The following ZFHX3 variants were observed in gnomAD, a reference collection of about 807,000 sequenced individuals.
ZFHX3 encodes zinc finger homeobox protein 3.
ZFHX3 carries 42 observed loss-of-function variants against 279.1 expected under a neutral mutation model. The ratio of observed to expected loss-of-function variants is 0.15; its 90% CI spans 0.12 to 0.19. The LOEUF (loss-of-function observed/expected upper bound fraction) is 0.19. Ranked by LOEUF, ZFHX3 falls within the 10% of genes least tolerant of loss-of-function variation. ZFHX3 has a pLI of 1.00. For missense variants in ZFHX3, 4,981 were observed against 4,754.0 expected (o/e 1.05, Z -1.40); for synonymous variants, 2,293 against 1,957.8 (o/e 1.17, Z -4.52).
At chr16:72,834,240 C>A (rs1404794685) in intron 4 of ZFHX3, among the ~76,000 whole-genome samples, 2 of 152,088 alleles carry the variant, frequency 1.3e-5, no homozygotes, top group African/African-American at 4.8e-5. Context: ...AGAGTGAGAC[C>A]CTGTCTCAAA....
chr16:73,253,537 C>T (rs939169013), intron 5 of ZFHX3, among the ~76,000 whole-genome samples: 16 of 151,522 alleles, frequency 1.1e-4, no homozygotes, highest in African/African-American at 3.2e-4. Context: ...CTGCAAGCTC[C>T]GCCTCTCAGG....
intron 3 of ZFHX3, among the ~76,000 whole-genome samples, chr16:73,343,770 C>T (rs2016077947): frequency 6.6e-6 from 1 of 152,130 alleles, no homozygotes; most frequent in South Asian, 2.1e-4. Context: ...CTCCTGTTGT[C>T]CAACTCTGGG....
chr16:73,072,246 A>AC (rs1965833868), intron 8 of ZFHX3, among the ~76,000 whole-genome samples: 1 of 152,086 alleles, frequency 6.6e-6, no homozygotes, highest in Non-Finnish European at 1.5e-5. Flanking sequence ...GGAGTTCAAG[A>AC]CCAGCCTGGC....
chr16:73,735,470 C>A (rs912234503), intron 1 of ZFHX3, among the ~76,000 whole-genome samples: 9 of 151,194 alleles, frequency 6.0e-5, no homozygotes, highest in African/African-American at 2.2e-4. Flanking sequence ...AATATGACTA[C>A]TCTAGGTATC....
At chr16:73,538,797 G>A (rs1026716477) in intron 2 of ZFHX3, among the ~76,000 whole-genome samples, 1 of 152,126 alleles carries the variant, frequency 6.6e-6, no homozygotes, top group Non-Finnish European at 1.5e-5. Flanking sequence ...CTTAGTCATC[G>A]GGCAAACGAC....
intron 4 of ZFHX3, among the ~76,000 whole-genome samples, chr16:73,259,693 A>T (rs1488325020): frequency 6.6e-6 from 1 of 152,252 alleles, no homozygotes. Context: ...TTTCAAAATT[A>T]TAGAAAAGGT....
At chr16:73,332,811 G>A (rs2015831863) in intron 3 of ZFHX3, among the ~76,000 whole-genome samples, 1 of 152,218 alleles carries the variant, frequency 6.6e-6, no homozygotes, top group Admixed American at 6.5e-5. Flanking sequence ...CATGCAACAA[G>A]AGTGGTGGCA....
chr16:72,879,489 G>A (rs902876979), intron 4 of ZFHX3, among the ~76,000 whole-genome samples: 9 of 152,198 alleles, frequency 5.9e-5, no homozygotes, highest in East Asian at 5.8e-4. Context: ...GCAATGGCGC[G>A]GCCTCTGCTC....
At chr16:73,162,316 G>C (rs1967258078) in intron 5 of ZFHX3, among the ~76,000 whole-genome samples, 1 of 152,174 alleles carries the variant, frequency 6.6e-6, no homozygotes, top group Non-Finnish European at 1.5e-5. Flanking sequence ...GAGGGATCTA[G>C]GTTGCACACT....
chr16:73,738,232 G>A (rs1420583080), intron 1 of ZFHX3, among the ~76,000 whole-genome samples: 1 of 152,168 alleles, frequency 6.6e-6, no homozygotes, highest in Non-Finnish European at 1.5e-5. Flanking sequence ...GCTGTGAATG[G>A]CACTGTAAGG....
chr16:73,350,571 G>A (rs2016220995), intron 3 of ZFHX3, among the ~76,000 whole-genome samples: 1 of 152,202 alleles, frequency 6.6e-6, no homozygotes, highest in South Asian at 2.1e-4. Flanking sequence ...GAAGGCAGCT[G>A]TTGCAGCTTC....
intron 4 of ZFHX3, among the ~76,000 whole-genome samples, chr16:72,835,171 G>T (rs2143752083): frequency 6.6e-6 from 1 of 152,292 alleles, no homozygotes; most frequent in African/African-American, 2.4e-5. Context: ...GAGGGTGGGG[G>T]TGAAATAAAG....
chr16:73,250,992 T>A (rs935968363), intron 5 of ZFHX3, among the ~76,000 whole-genome samples: 4 of 152,222 alleles, frequency 2.6e-5, no homozygotes, highest in Non-Finnish European at 5.9e-5. Context: ...ATCTGAGTCA[T>A]GTGTACCATT....
chr16:73,277,684 T>C (rs2014335474), intron 4 of ZFHX3, among the ~76,000 whole-genome samples: 1 of 152,222 alleles, frequency 6.6e-6, no homozygotes, highest in South Asian at 2.1e-4. Context: ...CTGCTTTGCT[T>C]ATGGTGGAAA....
chr16:73,013,754 T>C (rs1963999363), intron 1 of ZFHX3, among the ~76,000 whole-genome samples: 1 of 152,098 alleles, frequency 6.6e-6, no homozygotes, highest in South Asian at 2.1e-4. Flanking sequence ...ATAGGCATTG[T>C]TGGAACAGGT....
At chr16:73,103,867 G>C (rs1966261411) in intron 7 of ZFHX3, among the ~76,000 whole-genome samples, 1 of 152,096 alleles carries the variant, frequency 6.6e-6, no homozygotes, top group Non-Finnish European at 1.5e-5. Flanking sequence ...GATAAAACTA[G>C]GCTTGTTCTG....
At chr16:73,519,414 G>A (rs2019575694) in intron 2 of ZFHX3, among the ~76,000 whole-genome samples, 1 of 151,640 alleles carries the variant, frequency 6.6e-6, no homozygotes, top group African/African-American at 2.4e-5. Flanking sequence ...TATCTGCCTT[G>A]TTTTTTTAAA....
intron 2 of ZFHX3, among the ~76,000 whole-genome samples, chr16:73,490,734 G>A (rs1255970905): frequency 6.6e-6 from 1 of 152,136 alleles, no homozygotes; most frequent in African/African-American, 2.4e-5. Flanking sequence ...CTACTCAGGA[G>A]GGTGAGGTGG....
chr16:73,450,828 C>T (rs375070171), intron 3 of ZFHX3, among the ~76,000 whole-genome samples: 12 of 152,268 alleles, frequency 7.9e-5, no homozygotes, highest in African/African-American at 2.6e-4. Context: ...GTCTTTTTCT[C>T]CTAATAGTAC....
Sources: allele counts gnomAD v4.1 joint callset (sites outside exome capture counted in the v4.1 genomes callset), GRCh38; gene constraint gnomAD v4.1.1; transcripts MANE v1.5; gene names NCBI Gene and HGNC (gene_info 2026-07-23, HGNC 2026-07-21).